Variants in NRG1 observed in about 807,000 individuals in gnomAD.
NRG1 encodes pro-neuregulin-1, membrane-bound isoform.
NRG1 carries 18 observed loss-of-function variants against 63.8 expected under a neutral mutation model. The ratio of observed to expected loss-of-function variants is 0.28; its 90% CI spans 0.19 to 0.42. The LOEUF is 0.42. NRG1 is among the 10% of genes least tolerant of loss of function. The probability of loss-of-function intolerance (pLI) is 1.00; values close to 1 mark genes in which losing one functional copy is unlikely to be tolerated. For missense variants in NRG1, 762 were observed against 814.7 expected (o/e 0.94, Z 0.79); for synonymous variants, 302 against 301.3 (o/e 1.00, Z -0.02).
At chr8:32,121,770 C>T (rs905176866) in intron 1 of NRG1, among the ~76,000 whole-genome samples, 2 of 151,938 alleles carry the variant, frequency 1.3e-5, no homozygotes, top group Admixed American at 1.3e-4. Flanking sequence ...TTGCAGCCCA[C>T]ATTTGAGGCC....
chr8:32,650,576 G>A lies in NRG1; in HGVS notation c.502+33691G>A, dbSNP rs181148766. ...TAGTGTTTGAAAGGGATTGGTCCAGGCAGCTTTGTTTTTAGAGACTTGTAA... is the reference window on the plus strand; with the variant it reads ...TAGTGTTTGAAAGGGATTGGTCCAGACAGCTTTGTTTTTAGAGACTTGTAA... On this transcript the variant is annotated intron_variant, in intron 5 of 11. Coordinates refer to ENST00000356819, the Ensembl canonical transcript of NRG1. Among the ~76,000 whole-genome samples, 44 of 146,492 alleles carry A rather than the reference G, an allele frequency of 3.0e-4. No homozygotes were observed. The East Asian group carries it at 7.4e-3, about 25-fold the overall frequency.
intron 1 of NRG1, among the ~76,000 whole-genome samples, chr8:32,236,149 ATG>A (rs3055524): frequency 0.019 from 2,850 of 149,984 alleles, 85 homozygotes; most frequent in African/African-American, 0.066. Flanking sequence ...GTGTGTGTGA[ATG>A]TGTGTGTGTG....
At chr8:32,166,370 C>T (rs1044004642) in intron 1 of NRG1, among the ~76,000 whole-genome samples, 1 of 152,042 alleles carries the variant, frequency 6.6e-6, no homozygotes, top group Non-Finnish European at 1.5e-5. Context: ...TGTAGTTTGC[C>T]AATTGAAATG....
chr8:32,311,119 C>CCATTCACTCATTCAGTCATT (rs1259745635), intron 1 of NRG1, among the ~76,000 whole-genome samples: 1 of 152,164 alleles, frequency 6.6e-6, no homozygotes, highest in Non-Finnish European at 1.5e-5. Flanking sequence ...AACGACTATG[C>CCATTCACTCATTCAGTCATT]CATTCACTCA....
chr8:31,761,123 T>C lies in NRG1; in HGVS notation c.37+121692T>C, dbSNP rs969480017. Among the ~76,000 whole-genome samples, 9 of 152,128 alleles carry C rather than the reference T, an allele frequency of 5.9e-5. 1 individual carries two copies. The highest frequency in any genetic ancestry group is 2.2e-4 in the African/African-American group (9 of 41,416). Reference sequence around the variant, plus strand: ...TACACCATGGAATACTATGCAGCCATAAAAAATGATGAGTTCATGTCCTTT... The same window carrying C: ...TACACCATGGAATACTATGCAGCCACAAAAAATGATGAGTTCATGTCCTTT... On this transcript the variant is annotated intron_variant, in intron 1 of 10. Transcript: ENST00000519301.
intron 1 of NRG1, among the ~76,000 whole-genome samples, chr8:32,017,892 G>A (rs924491821): frequency 1.3e-5 from 2 of 152,116 alleles, no homozygotes; most frequent in African/African-American, 4.8e-5. Context: ...CTATTGGTGA[G>A]CAACTTAACT....
At chr8:31,894,839 C>T (rs761925445) in intron 1 of NRG1, among the ~76,000 whole-genome samples, 3 of 151,970 alleles carry the variant, frequency 2.0e-5, no homozygotes, top group Middle Eastern at 3.2e-3. Flanking sequence ...CGTGAGCCAC[C>T]GCACCCGGCC....
At chr8:32,516,172 C>G (rs1218763544) in intron 1 of NRG1, among the ~76,000 whole-genome samples, 2 of 152,106 alleles carry the variant, frequency 1.3e-5, no homozygotes, top group Non-Finnish European at 2.9e-5. Flanking sequence ...AGTCATTTCC[C>G]CATTGCTTAT....
chr8:31,840,894 T>G (rs1305994788), intron 1 of NRG1, among the ~76,000 whole-genome samples: 1 of 152,180 alleles, frequency 6.6e-6, no homozygotes, highest in Non-Finnish European at 1.5e-5. Flanking sequence ...GCCAAGTTTT[T>G]TTTTAGGCTT....
intron 1 of NRG1, among the ~76,000 whole-genome samples, chr8:31,895,112 A>G (rs1359083736): frequency 1.3e-5 from 2 of 152,260 alleles, no homozygotes; most frequent in African/African-American, 4.8e-5. Flanking sequence ...CTAAAATAAC[A>G]GTAAGGTGCA....
intron 1 of NRG1, among the ~76,000 whole-genome samples, chr8:31,735,395 A>C (rs1288075099): frequency 2.6e-5 from 4 of 152,198 alleles, no homozygotes; most frequent in East Asian, 1.9e-4. Flanking sequence ...ACCAAAAAAA[A>C]CCCCACTGTC....
chr8:32,114,074 T>C (rs749053672), intron 1 of NRG1, among the ~76,000 whole-genome samples: 6 of 152,238 alleles, frequency 3.9e-5, no homozygotes, highest in Non-Finnish European at 8.8e-5. Flanking sequence ...AATAGTTTCA[T>C]GTAGTTGGGC....
In NRG1 at chr8:32,205,681, G is replaced by A. The variant is rs75319909; in HGVS notation, c.38-390147G>A. Among the ~76,000 whole-genome samples the A allele has an allele frequency of 1.3e-3, 205 of 152,252 alleles. 6 individuals carry two copies. The East Asian group carries it at 0.035, about 26-fold the overall frequency. ...TTTTTACTTTTCCTGAGGGAGGTAA[G>A]AGTAGCACCGACTTGCTACTGCTAA... On this transcript the variant is annotated intron_variant, in intron 1 of 10. Coordinates refer to the NRG1 transcript ENST00000519301.
intron 1 of NRG1, among the ~76,000 whole-genome samples, chr8:31,830,920 G>A (rs1825090078): frequency 6.6e-6 from 1 of 152,078 alleles, no homozygotes; most frequent in South Asian, 2.1e-4. Context: ...CCACTTTACA[G>A]CTGTGGCTTC....
chr8:32,035,929 C>T (rs1818981007), intron 1 of NRG1, among the ~76,000 whole-genome samples: 1 of 152,182 alleles, frequency 6.6e-6, no homozygotes, highest in African/African-American at 2.4e-5. Context: ...AGCCCATTTA[C>T]ATTTAAGGGT....
At chr8:32,592,314 T>A (rs1479880185) in intron 1 of NRG1, among the ~76,000 whole-genome samples, 1 of 152,086 alleles carries the variant, frequency 6.6e-6, no homozygotes, top group African/African-American at 2.4e-5. Context: ...ATATTTTTAT[T>A]CAGATTTCCC....
intron 1 of NRG1, among the ~76,000 whole-genome samples, chr8:32,029,902 A>C (rs1818001954): frequency 6.6e-6 from 1 of 152,022 alleles, no homozygotes; most frequent in South Asian, 2.1e-4. Context: ...TCTGGTATTC[A>C]GCTTTGTATT....
intron 1 of NRG1, among the ~76,000 whole-genome samples, chr8:31,762,658 T>C (rs774280217): frequency 4.1e-4 from 62 of 152,324 alleles, no homozygotes; most frequent in Admixed American, 1.5e-3. Flanking sequence ...CTAGGGCCTC[T>C]AGTTACAATG....
At chr8:32,248,637 C>CT in intron 1 of NRG1, among the ~76,000 whole-genome samples, 1 of 152,082 alleles carries the variant, frequency 6.6e-6, no homozygotes, top group South Asian at 2.1e-4. Context: ...GGCTGACATG[C>CT]TCCAAAATAT....
Sources: gnomAD v4.1 joint callset for allele counts (sites outside exome capture counted in the v4.1 genomes callset) on GRCh38, gnomAD v4.1.1 for gene constraint, MANE v1.5 for transcripts, NCBI Gene and HGNC (gene_info 2026-07-23, HGNC 2026-07-21) for gene names.